The following CLVS1 variants were observed in gnomAD, a reference collection of about 807,000 sequenced individuals.
CLVS1 encodes the protein clavesin-1.
Under a neutral mutation model 33.1 loss-of-function variants are expected in CLVS1, and 10 were observed. That is an observed-to-expected ratio of 0.30 (90% CI 0.19 to 0.51). The LOEUF is 0.51. CLVS1 is among the 20% of genes least tolerant of loss of function. The pLI is 0.97. For synonymous variants in CLVS1, 163 were observed against 166.1 expected (o/e 0.98, Z 0.14); for missense variants, 343 against 433.4 (o/e 0.79, Z 1.85).
chr8:61,190,825 A>G (rs1807456100), intron 2 of CLVS1, among the ~76,000 whole-genome samples: 1 of 152,352 alleles, frequency 6.6e-6, no homozygotes, highest in East Asian at 1.9e-4. Context: ...CTAAACAAGG[A>G]AGAAGTTGAA....
chr8:61,357,416 A>G (rs1563513895), intron 2 of CLVS1, among the ~76,000 whole-genome samples: 1 of 148,136 alleles, frequency 6.8e-6, no homozygotes, highest in Non-Finnish European at 1.5e-5. Flanking sequence ...AATGGTAAGT[A>G]TATCACTGCA....
chr8:61,449,337 G>A (rs1218457986), intron 3 of CLVS1, among the ~76,000 whole-genome samples: 1 of 152,218 alleles, frequency 6.6e-6, no homozygotes, highest in African/African-American at 2.4e-5. Flanking sequence ...ACAGGTGGGG[G>A]AGGAAGTCCA....
chr8:61,491,223 T>C (rs148800939), intron 5 of CLVS1, among the ~76,000 whole-genome samples: 2 of 152,194 alleles, frequency 1.3e-5, no homozygotes, highest in Non-Finnish European at 2.9e-5. Context: ...TGTAGTCCAG[T>C]CTAGTAGTAT....
intron 2 of CLVS1, among the ~76,000 whole-genome samples, chr8:61,374,341 C>T (rs972526604): frequency 6.6e-6 from 1 of 152,112 alleles, no homozygotes; most frequent in Non-Finnish European, 1.5e-5. Context: ...GTAAGCTTTA[C>T]CTTAGGCTTA....
the CLVS1 span, among the ~76,000 whole-genome samples, chr8:60,994,934 T>C: frequency 3.9e-5 from 6 of 151,928 alleles, no homozygotes. Context: ...ATTTAATAAA[T>C]GGTGCTGGGA....
chr8:61,337,989 A>C (rs1811866103), intron 2 of CLVS1, among the ~76,000 whole-genome samples: 1 of 152,206 alleles, frequency 6.6e-6, no homozygotes, highest in African/African-American at 2.4e-5. Flanking sequence ...CCTCACTTCC[A>C]CATGATCTCC....
intron 2 of CLVS1, among the ~76,000 whole-genome samples, chr8:61,332,051 G>A (rs1201398454): frequency 6.6e-6 from 1 of 152,202 alleles, no homozygotes; most frequent in East Asian, 1.9e-4. Flanking sequence ...CGCTAGCTTT[G>A]CATTGGAGTG....
chr8:61,471,603 G>A (rs1012776210), intron 5 of CLVS1, among the ~76,000 whole-genome samples: 3 of 152,136 alleles, frequency 2.0e-5, no homozygotes, highest in African/African-American at 7.2e-5. Context: ...GGCCAAGCAC[G>A]TTGGGAGCGG....
At chr8:61,202,792 A>G in intron 2 of CLVS1, 1 of 1,438,904 alleles carries the variant, frequency 6.9e-7, no homozygotes, top group Non-Finnish European at 9.7e-7. Flanking sequence ...CCTCGGAGGT[A>G]GTAGCAAGCT....
At chr8:61,140,442 G>C (rs1313524131) in intron 2 of CLVS1, among the ~76,000 whole-genome samples, 3 of 152,162 alleles carry the variant, frequency 2.0e-5, no homozygotes, top group Non-Finnish European at 4.4e-5. Flanking sequence ...TGATACACTT[G>C]GCTGGTTGAG....
chr8:61,079,222 TG>T (rs1233933597), intron 1 of CLVS1, among the ~76,000 whole-genome samples: 2 of 152,222 alleles, frequency 1.3e-5, no homozygotes, highest in Non-Finnish European at 2.9e-5. Context: ...CAAAACCTTT[TG>T]TTTTTACTCT....
intron 2 of CLVS1, among the ~76,000 whole-genome samples, chr8:61,328,731 C>T (rs1273677655): frequency 6.6e-6 from 1 of 152,090 alleles, no homozygotes; most frequent in Non-Finnish European, 1.5e-5. Flanking sequence ...CATGTTTTCC[C>T]ACTTACGTTG....
chr8:61,010,757 C>T, the CLVS1 span, among the ~76,000 whole-genome samples: 2 of 152,230 alleles, frequency 1.3e-5, no homozygotes, highest in Non-Finnish European at 2.9e-5. Flanking sequence ...GCTCTCCTGG[C>T]CCCAGGCTGG....
intron 5 of CLVS1, among the ~76,000 whole-genome samples, chr8:61,466,455 A>G (rs1817549004): frequency 6.6e-6 from 1 of 152,108 alleles, no homozygotes; most frequent in Non-Finnish European, 1.5e-5. Flanking sequence ...GCTGGAAACC[A>G]ACAGTCCTGC....
At chr8:61,087,354 C>A (rs6471918) in intron 1 of CLVS1, among the ~76,000 whole-genome samples, 2,094 of 152,260 alleles carry the variant, frequency 0.014, 54 homozygotes, top group African/African-American at 0.047. Context: ...CTTGCAGAGA[C>A]CCCCAAAGGG....
chr8:60,977,335 A>T, the CLVS1 span, among the ~76,000 whole-genome samples: 1 of 152,248 alleles, frequency 6.6e-6, no homozygotes, highest in Admixed American at 6.5e-5. Flanking sequence ...ATAATTTGAC[A>T]GAAATCATCC....
At chr8:61,158,414 A>T (rs1328524653) in intron 2 of CLVS1, among the ~76,000 whole-genome samples, 2 of 152,200 alleles carry the variant, frequency 1.3e-5, no homozygotes, top group Non-Finnish European at 2.9e-5. Context: ...TACATTTAAG[A>T]TCTGAGCACT....
chr8:61,135,772 T>C (rs1418339316), intron 2 of CLVS1, among the ~76,000 whole-genome samples: 1 of 152,192 alleles, frequency 6.6e-6, no homozygotes, highest in Non-Finnish European at 1.5e-5. Context: ...GCAGAATCGG[T>C]GAGTAGAAGC....
At chr8:61,189,589 AG>A (rs1283625503) in intron 2 of CLVS1, among the ~76,000 whole-genome samples, 1 of 152,242 alleles carries the variant, frequency 6.6e-6, no homozygotes, top group African/African-American at 2.4e-5. Flanking sequence ...AATTGGATAA[AG>A]AGTCAAGACC....
Sources: gnomAD v4.1 joint callset for allele counts (sites outside exome capture counted in the v4.1 genomes callset) on GRCh38, gnomAD v4.1.1 for gene constraint, MANE v1.5 for transcripts, NCBI Gene and HGNC (gene_info 2026-07-23, HGNC 2026-07-21) for gene names.